Variants in DGKB observed in about 807,000 individuals in gnomAD.
The protein encoded by DGKB is 90 kDa diacylglycerol kinase.
In DGKB, 67 loss-of-function variants were observed where a neutral mutation model predicts 114.3. The observed-to-expected ratio is 0.59, with a 90% confidence interval of 0.48 to 0.72. The LOEUF is 0.72. DGKB is among the 30% of genes least tolerant of loss of function. The pLI, the probability that DGKB is intolerant of heterozygous loss-of-function variation, is 0.00. For missense variants in DGKB, 907 were observed against 975.2 expected, an observed-to-expected ratio of 0.93 and a Z score of 0.93; for synonymous variants, 398 against 323.1, an observed-to-expected ratio of 1.23 and a Z score of -2.49.
chr7:14,792,557 T>C (rs1840817598), intron 2 of DGKB, among the ~76,000 whole-genome samples: 1 of 152,116 alleles, frequency 6.6e-6, no homozygotes, highest in South Asian at 2.1e-4. Context: ...ACAACCCTGG[T>C]TCCCTGAAAT....
At chr7:14,191,972 G>A (rs1225295724) in intron 23 of DGKB, 3 of 647,130 alleles carry the variant, frequency 4.6e-6, no homozygotes, top group Non-Finnish European at 7.7e-6. Context: ...TACCATTGTC[G>A]ATATGGTTCC....
chr7:14,341,106 G>A (rs1811536782), intron 22 of DGKB, among the ~76,000 whole-genome samples: 1 of 151,586 alleles, frequency 6.6e-6, no homozygotes, highest in Non-Finnish European at 1.5e-5. Flanking sequence ...TAGTTTTAGG[G>A]AAACAGAGTA....
intron 23 of DGKB, among the ~76,000 whole-genome samples, chr7:14,286,089 A>G (rs1268758382): frequency 6.6e-6 from 1 of 152,110 alleles, no homozygotes; most frequent in Non-Finnish European, 1.5e-5. Flanking sequence ...GTCAGAAATC[A>G]TTATTTATAA....
chr7:14,582,986 A>T, intron 18 of DGKB, 66 bp downstream of exon 18: 1 of 1,023,120 alleles, frequency 9.8e-7, no homozygotes, highest in Non-Finnish European at 1.5e-6. Flanking sequence ...CAATAGACAC[A>T]TAGATGAAAC....
intron 2 of DGKB, among the ~76,000 whole-genome samples, chr7:14,774,642 T>C (rs1268832476): frequency 6.6e-6 from 1 of 152,192 alleles, no homozygotes; most frequent in African/African-American, 2.4e-5. Flanking sequence ...TTAGAATATA[T>C]ATAGTCATAT....
At chr7:14,253,533 C>A (rs1396477638) in intron 23 of DGKB, among the ~76,000 whole-genome samples, 6 of 152,184 alleles carry the variant, frequency 3.9e-5, no homozygotes, top group Admixed American at 3.9e-4. Flanking sequence ...ATATTAACAT[C>A]TGAAATAACT....
intron 21 of DGKB, among the ~76,000 whole-genome samples, chr7:14,384,251 G>A (rs551624508): frequency 3.3e-5 from 5 of 152,250 alleles, no homozygotes; most frequent in Admixed American, 2.0e-4. Context: ...TTCTACCTTA[G>A]CATTTTTAAA....
intron 2 of DGKB, among the ~76,000 whole-genome samples, chr7:14,831,651 C>T (rs1846430085): frequency 3.3e-5 from 5 of 151,996 alleles, no homozygotes; most frequent in Admixed American, 2.6e-4. Context: ...ATAATTAATA[C>T]AGTTCTTTGT....
intron 25 of DGKB, among the ~76,000 whole-genome samples, chr7:14,172,457 G>T (rs920429293): frequency 3.3e-5 from 5 of 152,114 alleles, no homozygotes; most frequent in Non-Finnish European, 5.9e-5. Flanking sequence ...GAAAGGAAAA[G>T]ATTCCAGAAA....
chr7:14,953,008 A>G (rs1243704014), intron 1 of DGKB, among the ~76,000 whole-genome samples: 1 of 152,090 alleles, frequency 6.6e-6, no homozygotes, highest in Non-Finnish European at 1.5e-5. Flanking sequence ...TGAACATGCA[A>G]AAGTATGGAA....
intron 2 of DGKB, among the ~76,000 whole-genome samples, chr7:14,823,110 T>C (rs1266769266): frequency 6.6e-6 from 1 of 151,730 alleles, no homozygotes; most frequent in Non-Finnish European, 1.5e-5. Context: ...TATCTTTGTA[T>C]GTTAAAAGAA....
chr7:14,558,632 A>C (rs1395569552), intron 20 of DGKB, among the ~76,000 whole-genome samples: 1 of 152,166 alleles, frequency 6.6e-6, no homozygotes, highest in Non-Finnish European at 1.5e-5. Flanking sequence ...ATATTCCCTA[A>C]AGATGTAAAT....
At chr7:14,407,649 T>C (rs1388922452) in intron 21 of DGKB, among the ~76,000 whole-genome samples, 1 of 152,118 alleles carries the variant, frequency 6.6e-6, no homozygotes, top group African/African-American at 2.4e-5. Context: ...TAAAATAAAC[T>C]GAAAACTGAA....
intron 6 of DGKB, among the ~76,000 whole-genome samples, chr7:14,714,654 T>C (rs985963756): frequency 6.6e-6 from 1 of 152,160 alleles, no homozygotes; most frequent in African/African-American, 2.4e-5. Flanking sequence ...AATTTTTAAC[T>C]AGAAAACTAG....
chr7:14,162,571 TTA>T (rs1237879838), intron 25 of DGKB, among the ~76,000 whole-genome samples: 3 of 152,198 alleles, frequency 2.0e-5, no homozygotes, highest in African/African-American at 7.2e-5. Flanking sequence ...GAGAATATGA[TTA>T]TGAGAGATAT....
intron 20 of DGKB, 26 bp downstream of exon 20, chr7:14,574,186 A>G (rs1309674296): frequency 1.3e-6 from 2 of 1,598,508 alleles, no homozygotes; most frequent in African/African-American, 2.7e-5. Context: ...ACAGGTACAA[A>G]GGTAAAATTT....
chr7:14,930,844 G>A (rs1454366518), intron 1 of DGKB, among the ~76,000 whole-genome samples: 1 of 152,078 alleles, frequency 6.6e-6, no homozygotes, highest in Non-Finnish European at 1.5e-5. Flanking sequence ...TTGTGGGTTT[G>A]TTGTACATGA....
intron 23 of DGKB, among the ~76,000 whole-genome samples, chr7:14,234,372 T>G (rs1472763599): frequency 6.6e-6 from 1 of 152,066 alleles, no homozygotes; most frequent in Non-Finnish European, 1.5e-5. Flanking sequence ...ATACTACGTG[T>G]ATATTTATGG....
chr7:14,682,541 A>G lies in DGKB; in HGVS notation c.1035+12T>C, dbSNP rs79641848. 988 of 1,591,012 alleles carry G rather than the reference A, an allele frequency of 6.2e-4. 3 individuals are homozygous for G. In the African/African-American group the frequency reaches 9.5e-3, roughly 15 times the overall value. ...GGTGAATGCTGGGATTTGTTTTCCA[A>G]TTTTTACTCACTGTGATCTGACACC... is the stretch of plus-strand genomic sequence containing the variant. On this transcript the variant is annotated intron_variant, in intron 12 of 25. Coordinates refer to ENST00000402815, the MANE Select transcript of DGKB (RefSeq NM_001350709.2).
Sources: allele counts gnomAD v4.1 joint callset (sites outside exome capture counted in the v4.1 genomes callset), GRCh38; gene constraint gnomAD v4.1.1; transcripts MANE v1.5; gene names NCBI Gene and HGNC (gene_info 2026-07-23, HGNC 2026-07-21).